Variants in SYNPR observed in about 807,000 individuals in gnomAD.
SYNPR encodes the protein synaptoporin.
A neutral mutation model predicts 32.9 loss-of-function variants in SYNPR; 23 were observed. The ratio of observed to expected loss-of-function variants is 0.70; its 90% CI spans 0.50 to 0.99. The LOEUF is 0.99. Among genes scored for constraint, SYNPR ranks in the 50% least tolerant of loss-of-function variants. SYNPR has a pLI of 0.00. For missense variants in SYNPR, 318 were observed against 349.3 expected (o/e 0.91, Z 0.71); for synonymous variants, 146 against 135.9 (o/e 1.07, Z -0.52).
chr3:63,460,907 C>T (rs1700572642), intron 2 of SYNPR, among the ~76,000 whole-genome samples: 1 of 152,002 alleles, frequency 6.6e-6, no homozygotes, highest in African/African-American at 2.4e-5. Flanking sequence ...ATGATAGTGG[C>T]CTGAACTAAG....
At chr3:63,304,251 G>A (rs769730270) in intron 2 of SYNPR, among the ~76,000 whole-genome samples, 12 of 151,858 alleles carry the variant, frequency 7.9e-5, no homozygotes, top group Non-Finnish European at 1.5e-4. Flanking sequence ...GAAACTAAGG[G>A]GAGAAAGAAA....
intron 2 of SYNPR, among the ~76,000 whole-genome samples, chr3:63,266,237 G>C (rs757485149): frequency 8.4e-5 from 12 of 142,170 alleles, no homozygotes; most frequent in Non-Finnish European, 1.4e-4. Context: ...AATTATTTCT[G>C]ATTTCTTTTT....
At chr3:63,553,432 C>A (rs1015471706) in intron 3 of SYNPR, among the ~76,000 whole-genome samples, 5 of 152,118 alleles carry the variant, frequency 3.3e-5, no homozygotes, top group Non-Finnish European at 5.9e-5. Flanking sequence ...GTATAATGAT[C>A]TATTTTCCTT....
At chr3:63,357,939 G>A (rs2087604742) in intron 2 of SYNPR, among the ~76,000 whole-genome samples, 1 of 152,168 alleles carries the variant, frequency 6.6e-6, no homozygotes, top group Non-Finnish European at 1.5e-5. Context: ...TCATCTTATA[G>A]TGTAGGAAAA....
intron 4 of SYNPR, among the ~76,000 whole-genome samples, chr3:63,598,121 A>T (rs1699987985): frequency 6.6e-6 from 1 of 152,224 alleles, no homozygotes; most frequent in Non-Finnish European, 1.5e-5. Context: ...AGTAGCCAAA[A>T]CAGACAATAA....
chr3:63,261,675 C>T (rs59888950), intron 2 of SYNPR, among the ~76,000 whole-genome samples: 11,324 of 148,024 alleles, frequency 0.077, 1,261 homozygotes, highest in African/African-American at 0.25. Context: ...ATGTAACTAA[C>T]CTGCACATCG....
chr3:63,275,955 A>C (rs141930957), upstream of SYNPR, among the ~76,000 whole-genome samples: 656 of 152,282 alleles, frequency 4.3e-3, 4 homozygotes, highest in African/African-American at 0.015. Context: ...CTGTGTTATC[A>C]GTCGGCTTAG....
intron 2 of SYNPR, among the ~76,000 whole-genome samples, chr3:63,348,554 T>C (rs1233341957): frequency 6.6e-6 from 1 of 152,236 alleles, no homozygotes; most frequent in Non-Finnish European, 1.5e-5. Flanking sequence ...CTTTATTTTT[T>C]GTTTTTGTTA....
At chr3:63,401,992 C>G (rs2088299018) in intron 2 of SYNPR, among the ~76,000 whole-genome samples, 1 of 152,114 alleles carries the variant, frequency 6.6e-6, no homozygotes, top group Non-Finnish European at 1.5e-5. Flanking sequence ...TTTGCTGATC[C>G]TAAGAGAGAT....
chr3:63,339,345 T>C (rs2087334760), intron 2 of SYNPR, among the ~76,000 whole-genome samples: 1 of 152,216 alleles, frequency 6.6e-6, no homozygotes, highest in Non-Finnish European at 1.5e-5. Context: ...TGGTGTGTTT[T>C]CATTTTTAAT....
At chr3:63,407,168 G>A (rs1415658307) in intron 2 of SYNPR, among the ~76,000 whole-genome samples, 1 of 152,160 alleles carries the variant, frequency 6.6e-6, no homozygotes, top group Non-Finnish European at 1.5e-5. Context: ...ATTTTCCGTG[G>A]AGAAATCACA....
At chr3:63,279,660 C>G (rs2106916767) in intron 2 of SYNPR, among the ~76,000 whole-genome samples, 1 of 152,328 alleles carries the variant, frequency 6.6e-6, no homozygotes, top group Non-Finnish European at 1.5e-5. Flanking sequence ...AGTTCAAAGC[C>G]TGTCATGTAG....
intron 2 of SYNPR, among the ~76,000 whole-genome samples, chr3:63,411,087 CTTCT>C (rs1177277050): frequency 4.6e-5 from 7 of 152,126 alleles, no homozygotes; most frequent in African/African-American, 1.7e-4. Flanking sequence ...TCAGCTTCTG[CTTCT>C]TTAAGTAAAA....
chr3:63,203,068 G>GTGTGTGTGTGTATATATA, the SYNPR span: 40 of 108,556 alleles, frequency 3.7e-4, no homozygotes, highest in Non-Finnish European at 4.4e-4. Context: ...ATATGTATGT[G>GTGTGTGTGTGTATATATA]TATATATATA....
chr3:63,445,862 A>G (rs1057218368), intron 2 of SYNPR, among the ~76,000 whole-genome samples: 23 of 152,190 alleles, frequency 1.5e-4, no homozygotes, highest in African/African-American at 5.3e-4. Flanking sequence ...AGGGACCTAT[A>G]GTTAAACATC....
At chr3:63,365,632 T>C (rs2087720348) in intron 2 of SYNPR, among the ~76,000 whole-genome samples, 2 of 152,174 alleles carry the variant, frequency 1.3e-5, no homozygotes, top group Admixed American at 1.3e-4. Context: ...AGGAAAGGAA[T>C]AAATTCAGTT....
chr3:63,245,627 C>T (rs2086277808), intron 1 of SYNPR, among the ~76,000 whole-genome samples: 2 of 150,462 alleles, frequency 1.3e-5, no homozygotes, highest in South Asian at 2.1e-4. Flanking sequence ...CTACTTAATG[C>T]TCAGTACATA....
intron 2 of SYNPR, among the ~76,000 whole-genome samples, chr3:63,263,835 T>C (rs949311753): frequency 6.6e-6 from 1 of 152,176 alleles, no homozygotes; most frequent in African/African-American, 2.4e-5. Context: ...GCCCAAGATA[T>C]GCCATTGGTG....
chr3:63,356,489 C>T (rs2087579628), intron 2 of SYNPR, among the ~76,000 whole-genome samples: 1 of 152,232 alleles, frequency 6.6e-6, no homozygotes, highest in Non-Finnish European at 1.5e-5. Flanking sequence ...GTCATTACCT[C>T]TGTTACAGAT....
Sources: gnomAD v4.1 joint callset for allele counts (sites outside exome capture counted in the v4.1 genomes callset) on GRCh38, gnomAD v4.1.1 for gene constraint, MANE v1.5 for transcripts, NCBI Gene and HGNC (gene_info 2026-07-23, HGNC 2026-07-21) for gene names.